The following SMG1 variants were observed in gnomAD, a reference collection of about 807,000 sequenced individuals.
The protein encoded by SMG1 is serine/threonine-protein kinase SMG1.
A neutral mutation model predicts 419.9 loss-of-function variants in SMG1; 22 were observed. The ratio of observed to expected loss-of-function variants is 0.05; its 90% confidence interval spans 0.04 to 0.07. The LOEUF is 0.07. Ranked by LOEUF, SMG1 falls within the 10% of genes least tolerant of loss-of-function variation. The pLI, the probability that SMG1 is intolerant of heterozygous loss-of-function variation, is 1.00. For missense variants in SMG1, 3,185 were observed against 4,342.0 expected, an observed-to-expected ratio of 0.73 and a Z score of 7.49; for synonymous variants, 1,538 against 1,553.5, an observed-to-expected ratio of 0.99 and a Z score of 0.23.
rs1248728014 is a variant in SMG1 at position 18,868,427 on chromosome 16, C to G, written c.3031-73G>C. ...TAAGGATGTCTCACCTATATATAAA[C>G]CAAATACACAAGTCTACTGTGATTT... On this transcript the variant is annotated intron_variant, in intron 21 of 62. Transcript: ENST00000446231. 4 of 1,420,982 alleles carry G rather than the reference C, an allele frequency of 2.8e-6. No individual in the cohort carries two copies. The African/African-American group carries it at 5.6e-5, about 20-fold the overall frequency. 88.0% of individuals were successfully genotyped at this position (1,420,982 alleles called of 1,614,324 possible). A position where few individuals can be genotyped will look rare whatever the true frequency, so the allele number is the denominator to read the frequency against.
Position 18,838,385 on chromosome 16 carries a change from T to C in SMG1, c.7166A>G (p.Glu2389Gly). Reference sequence around the variant, plus strand: ...CTCACATGAAAGCCTAAATACACCTTCTACTCCAGTTACACCCAGTGCTGT... The same window carrying C: ...CTCACATGAAAGCCTAAATACACCTCCTACTCCAGTTACACCCAGTGCTGT... Reference protein sequence around the residue: ...IETALGVTGVEGVFRLSCEQV... With the variant: ...IETALGVTGVGGVFRLSCEQV... Residue 2389 changes from glutamate to glycine, a missense_variant, in exon 44 of 63, where the codon GAA becomes GGA. By Grantham distance (98) the Glu-to-Gly change is moderately conservative (BLOSUM62 -2). This residue lies in a region of SMG1 where 60 missense variants were observed against 133.9 expected (regional missense o/e 0.45). Coordinates refer to ENST00000446231, the MANE Select transcript of SMG1 (RefSeq NM_015092.5). 6.2e-7 allele frequency: 1 copy of C among 1,612,334 alleles called. No homozygotes were observed. Among genetic ancestry groups the C allele is most frequent in the Non-Finnish European group, 8.5e-7 (1 of 1,179,202 alleles).
intron 1 of SMG1, among the ~76,000 whole-genome samples, chr16:18,910,010 AAAAC>A (rs886626929): frequency 2.6e-5 from 4 of 152,126 alleles, no homozygotes; most frequent in Admixed American, 6.5e-5. Context: ...CAAGAAAAAA[AAAAC>A]AATGTTTCTA....
intron 33 of SMG1, among the ~76,000 whole-genome samples, chr16:18,850,713 T>C: frequency 6.6e-6 from 1 of 152,222 alleles, no homozygotes; most frequent in East Asian, 1.9e-4. Flanking sequence ...TTCGTTGTAC[T>C]TTAAATGCTT....
chr16:18,908,401 ACG>A (rs1416000350), intron 1 of SMG1, among the ~76,000 whole-genome samples: 1 of 150,226 alleles, frequency 6.7e-6, no homozygotes, highest in Non-Finnish European at 1.5e-5. Context: ...GCCCATTCCA[ACG>A]AAGATTAAGA....
intron 19 of SMG1, 80 bp downstream of exon 19, chr16:18,869,774 T>C: frequency 8.2e-7 from 1 of 1,225,984 alleles, no homozygotes; most frequent in Non-Finnish European, 1.2e-6. Flanking sequence ...CAAACATATT[T>C]TCTCTTCAAA....
At chr16:18,892,087 A>G in intron 4 of SMG1, 131 bp downstream of exon 4, 2 of 704,456 alleles carry the variant, frequency 2.8e-6, no homozygotes, top group Admixed American at 2.4e-5. Context: ...AAGAAATTAC[A>G]TATTAGAGAG....
At position 18,819,488 on chromosome 16, in the gene SMG1, G is replaced by C; in HGVS notation, c.9894+14C>G. ...AAAAGTGAATACAAAGATGGTGCAT[G>C]TAAGTCACAATACCTGACTTGCTCT... On this transcript the variant is annotated intron_variant, in intron 56 of 62. Transcript: ENST00000446231. 6.2e-7 allele frequency: 1 copy of C among 1,608,082 alleles called. No homozygotes were observed. Among genetic ancestry groups the C allele is most frequent in the Non-Finnish European group, 8.5e-7 (1 of 1,176,888 alleles).
At chr16:18,813,440 A>C (rs1464804905) in intron 60 of SMG1, among the ~76,000 whole-genome samples, 2 of 151,732 alleles carry the variant, frequency 1.3e-5, no homozygotes, top group African/African-American at 2.4e-5. Flanking sequence ...GCATTTTTTC[A>C]TGTGTCTGTT....
intron 1 of SMG1, among the ~76,000 whole-genome samples, chr16:18,912,827 G>A (rs2037843542): frequency 6.6e-6 from 1 of 151,918 alleles, no homozygotes; most frequent in African/African-American, 2.4e-5. Context: ...ACGACTTCAG[G>A]TTGATTCCTT....
Position 18,833,035 on chromosome 16 carries a change from G to C in SMG1, c.8697C>G (p.Pro2899=). 6.2e-7 allele frequency: 1 copy of C among 1,613,972 alleles called. No homozygotes were observed. The highest frequency in any genetic ancestry group is 8.5e-7 in the Non-Finnish European group (1 of 1,179,888). Residue 2899 remains proline (P), a synonymous_variant, in exon 51 of 63, where the codon CCC becomes CCG. Coordinates refer to ENST00000446231, the MANE Select transcript of SMG1 (RefSeq NM_015092.5). ...GAAGAGATTCCACTAGAGTCTGCAG[G>C]GGAACGCCATCGGTGGTCTGCTCAA... ...GLIEQTTDGV[P]LQTLVESLQA...
At chr16:18,847,680 T>C (rs965420665) in intron 37 of SMG1, 73 bp from the exon 38 acceptor site, 82 of 1,309,996 alleles carry the variant, frequency 6.3e-5, no homozygotes, top group Admixed American at 4.6e-5. Context: ...CACTGGACTT[T>C]GTAAGTTAAG....
chr16:18,863,496 G>A (rs1216757799), intron 25 of SMG1, among the ~76,000 whole-genome samples, 154 bp downstream of exon 25: 1 of 152,112 alleles, frequency 6.6e-6, no homozygotes, highest in African/African-American at 2.4e-5. Context: ...CACCTCTGAC[G>A]TCAGTTTCCT....
chr16:18,878,239 T>G (rs2036228863), intron 11 of SMG1: 1 of 145,166 alleles, frequency 6.9e-6, no homozygotes, highest in African/African-American at 2.6e-5. Flanking sequence ...CCGTCTGTAC[T>G]AAAAATACAA....
At position 18,812,952 on chromosome 16, in the gene SMG1, G is replaced by C. The variant is rs1023156187; in HGVS notation, c.10622-825C>G. The stretch of plus-strand genomic sequence containing the variant: ...TTTTGTCCCTGCGATAGTTTGCTGA[G>C]AATGATGGTTTCCAGCTTCATCCAT... On this transcript the variant is annotated intron_variant, in intron 60 of 62. Coordinates refer to ENST00000446231, the MANE Select transcript of SMG1 (RefSeq NM_015092.5). Among the ~76,000 whole-genome samples, 101 of 152,232 alleles carry C rather than the reference G, an allele frequency of 6.6e-4. 1 individual carries two copies. Among genetic ancestry groups the C allele is most frequent in the Non-Finnish European group, 1.1e-3 (74 of 68,026 alleles).
At chr16:18,876,843 G>A (rs1178493009) in intron 12 of SMG1, among the ~76,000 whole-genome samples, 2 of 151,804 alleles carry the variant, frequency 1.3e-5, no homozygotes, top group Non-Finnish European at 2.9e-5. Flanking sequence ...TTATAAATGT[G>A]TCAACTTGTT....
In SMG1 at chr16:18,888,421, T is replaced by C. The variant is rs572940886; in HGVS notation, c.822+951A>G. 9.4e-4 allele frequency among the ~76,000 whole-genome samples: 142 copies of C among 151,518 alleles called. No homozygotes were observed. In the Middle Eastern group the frequency reaches 0.01, roughly 11 times the overall value. On this transcript the variant is annotated intron_variant, in intron 6 of 62. Transcript: ENST00000446231. ...TTCCTATTTTCAAATTTGCAAATCA[T>C]TCTGGTCCTAAGCAATCTCAAAAAA...
intron 1 of SMG1, among the ~76,000 whole-genome samples, chr16:18,918,131 G>A (rs1380696900): frequency 5.9e-5 from 9 of 151,820 alleles, no homozygotes; most frequent in South Asian, 2.1e-4. Context: ...GTGGTGGTGC[G>A]TGCCTGTAAT....
chr16:18,833,700 C>T (rs11646765), intron 50 of SMG1, among the ~76,000 whole-genome samples: 46,860 of 152,102 alleles, frequency 0.31, 7,962 homozygotes, highest in Non-Finnish European at 0.38. Context: ...AGCATACCGA[C>T]TACCCTACAA....
chr16:18,895,970 G>A (rs567591975), intron 3 of SMG1, 82 bp downstream of exon 3: 121 of 1,234,370 alleles, frequency 9.8e-5, no homozygotes, highest in East Asian at 5.6e-4. Flanking sequence ...TGTGCAAGGC[G>A]TTAGTAAGAG....
Sources: allele counts gnomAD v4.1 joint callset (sites outside exome capture counted in the v4.1 genomes callset), GRCh38; gene constraint gnomAD v4.1.1; regional missense constraint gnomAD v4.1.1; transcripts MANE v1.5; gene names NCBI Gene and HGNC (gene_info 2026-07-23, HGNC 2026-07-21).